The following CCDC141 variants were observed in gnomAD, a reference collection of about 807,000 sequenced individuals.
CCDC141 encodes the protein coiled-coil domain-containing protein 141.
CCDC141 carries 168 observed loss-of-function variants against 181.0 expected under a neutral mutation model. The observed-to-expected ratio is 0.93, with a 90% CI of 0.82 to 1.05. CCDC141 has a LOEUF of 1.05. CCDC141 is among the 50% of genes least tolerant of loss of function. The probability of loss-of-function intolerance (pLI) is 0.00; values close to 1 mark genes in which losing one functional copy is unlikely to be tolerated. For missense variants in CCDC141, 1,902 were observed against 1,788.5 expected, an observed-to-expected ratio of 1.06 and a Z score of -1.14; for synonymous variants, 666 against 642.3, an observed-to-expected ratio of 1.04 and a Z score of -0.56.
chr2:179,034,043 C>T (rs1229177579), intron 2 of CCDC141, among the ~76,000 whole-genome samples: 2 of 152,096 alleles, frequency 1.3e-5, no homozygotes, highest in Non-Finnish European at 2.9e-5. Flanking sequence ...ACTAAAAACA[C>T]ATATGTTCAT....
downstream of CCDC141, among the ~76,000 whole-genome samples, chr2:178,825,113 T>G (rs533161037): frequency 2.0e-5 from 3 of 152,340 alleles, no homozygotes; most frequent in South Asian, 6.2e-4. Flanking sequence ...TTGAAAAGTT[T>G]CCAGTTAACT....
rs375197564 is a variant in CCDC141, at chr2:178,872,120, T to C, written c.2079+13A>G. On this transcript the variant is annotated intron_variant, in intron 13 of 23. Transcript: ENST00000443758. ...TTTCATTCCTTTTCACATCCCATTG[T>C]TCCTTGCCTCACCTTTTTAAGTTGC... The C allele has an allele frequency of 5.0e-6, 8 of 1,612,466 alleles. No individual in the cohort carries two copies. Among genetic ancestry groups the C allele is most frequent in the Non-Finnish European group, 6.8e-6 (8 of 1,179,346 alleles).
intron 2 of CCDC141, among the ~76,000 whole-genome samples, chr2:178,986,388 T>C (rs1232993341): frequency 6.6e-6 from 1 of 152,150 alleles, no homozygotes; most frequent in Non-Finnish European, 1.5e-5. Context: ...CTGAAAGCAT[T>C]CCCTTTGAAA....
At chr2:178,949,466 G>T (rs1559001025) in intron 5 of CCDC141, among the ~76,000 whole-genome samples, 1 of 152,198 alleles carries the variant, frequency 6.6e-6, no homozygotes, top group Non-Finnish European at 1.5e-5. Flanking sequence ...AGAAATGCCA[G>T]TGTCAGAATT....
chr2:179,040,636 T>C (rs2043271531), intron 2 of CCDC141, among the ~76,000 whole-genome samples: 1 of 152,162 alleles, frequency 6.6e-6, no homozygotes, highest in Non-Finnish European at 1.5e-5. Context: ...CACATGGTAT[T>C]TGGTTTTCTG....
At chr2:178,853,792 A>G (rs1235771530) in intron 19 of CCDC141, among the ~76,000 whole-genome samples, 168 bp from the exon 20 acceptor site, 2 of 152,264 alleles carry the variant, frequency 1.3e-5, no homozygotes, top group Non-Finnish European at 2.9e-5. Flanking sequence ...CGTATTCTAC[A>G]GCACTTAAAT....
chr2:178,842,217 C>T (rs1369284408), intron 22 of CCDC141, among the ~76,000 whole-genome samples: 1 of 152,146 alleles, frequency 6.6e-6, no homozygotes, highest in Non-Finnish European at 1.5e-5. Context: ...AAACATAGCT[C>T]AACTCTCAAT....
chr2:178,869,056 T>C, intron 15 of CCDC141, 61 bp downstream of exon 15: 2 of 1,236,434 alleles, frequency 1.6e-6, no homozygotes, highest in Non-Finnish European at 2.2e-6. Context: ...TATATAATAA[T>C]TCATTTTTAA....
intron 2 of CCDC141, among the ~76,000 whole-genome samples, chr2:179,015,088 A>AT (rs2042404480): frequency 2.4e-5 from 1 of 41,914 alleles, no homozygotes; most frequent in African/African-American, 7.6e-5. Context: ...ATATATATAT[A>AT]TATATATATA....
intron 5 of CCDC141, among the ~76,000 whole-genome samples, chr2:178,952,702 G>A (rs1314438220): frequency 3.3e-5 from 5 of 151,788 alleles, no homozygotes; most frequent in Admixed American, 2.6e-4. Flanking sequence ...TCTAGAGATA[G>A]CCTATATACC....
At chr2:178,824,617 C>CAAAAAA in the CCDC141 span, among the ~76,000 whole-genome samples, 6 of 52,290 alleles carry the variant, frequency 1.1e-4, no homozygotes, top group African/African-American at 2.7e-4. Context: ...GAGACTTCGT[C>CAAAAAA]AAAAAAAAAA....
the CCDC141 span, among the ~76,000 whole-genome samples, chr2:178,823,901 GT>G: frequency 6.6e-6 from 1 of 152,080 alleles, no homozygotes; most frequent in African/African-American, 2.4e-5. Flanking sequence ...TGATACCACT[GT>G]TAAAATGAGA....
chr2:178,905,210 A>T (rs1455661645), intron 8 of CCDC141, 119 bp downstream of exon 8: 1 of 907,158 alleles, frequency 1.1e-6, no homozygotes, highest in Non-Finnish European at 1.6e-6. Flanking sequence ...CTTTTAAGCC[A>T]TATCATAATG....
intron 2 of CCDC141, among the ~76,000 whole-genome samples, chr2:179,024,509 G>C (rs1365775807): frequency 6.6e-6 from 1 of 152,168 alleles, no homozygotes; most frequent in East Asian, 1.9e-4. Context: ...AGATGAAAAT[G>C]AAACACTCAT....
At chr2:179,041,437 T>C (rs2043299563) in intron 2 of CCDC141, among the ~76,000 whole-genome samples, 1 of 151,892 alleles carries the variant, frequency 6.6e-6, no homozygotes, top group Non-Finnish European at 1.5e-5. Context: ...ATGTCTTCTT[T>C]TGAGAAGTGT....
In CCDC141 at chr2:178,865,915, T is replaced by C; in HGVS notation, c.2576A>G (p.His859Arg). The C allele has an allele frequency of 6.5e-7, 1 of 1,535,336 alleles. No individual in the cohort carries two copies. The highest frequency in any genetic ancestry group is 8.8e-7 in the Non-Finnish European group (1 of 1,140,650). ...VDIISSVQRPHCSNVSAKNLQ... is the reference protein window; with the variant it reads ...VDIISSVQRPRCSNVSAKNLQ... Reference sequence around the variant, plus strand: ...GTTCTTTGCAGAAACATTAGAGCAGTGCTAAAAGAGACAAATGGTGGTAAC... The same window carrying C: ...GTTCTTTGCAGAAACATTAGAGCAGCGCTAAAAGAGACAAATGGTGGTAAC... Residue 859 changes from histidine (H) to arginine (R), a missense_variant and splice_region_variant, in exon 17 of 24, where the codon CAC becomes CGC. Physicochemically the swap from His to Arg is conservative, Grantham distance 29 (BLOSUM62 0). Coordinates refer to ENST00000443758, the MANE Select transcript of CCDC141 (RefSeq NM_173648.4).
intron 2 of CCDC141, among the ~76,000 whole-genome samples, chr2:178,993,338 C>G (rs940365663): frequency 3.9e-5 from 6 of 152,128 alleles, no homozygotes; most frequent in African/African-American, 1.4e-4. Flanking sequence ...ACTGGGGAAG[C>G]CTCACAATCA....
In CCDC141 at chr2:179,040,736, C is replaced by A. The variant is rs191362798; in HGVS notation, c.225+6548G>T. Among the ~76,000 whole-genome samples, 731 of 152,306 alleles carry A rather than the reference C, an allele frequency of 4.8e-3. 10 individuals are homozygous for A. Among genetic ancestry groups the A allele is most frequent in the African/African-American group, 0.017 (692 of 41,574 alleles). On this transcript the variant is annotated intron_variant, in intron 2 of 23. Transcript: ENST00000443758. ...ATCTCATTCCTGTTTATGGCTACAT[C>A]ATATTCCATGTTATATATGTACCAC...
intron 2 of CCDC141, among the ~76,000 whole-genome samples, chr2:179,015,392 A>ATCATATATCTCTCATATATGTG (rs1559049544): frequency 0.012 from 1,713 of 137,284 alleles, 73 homozygotes; most frequent in African/African-American, 0.045. Context: ...TCATATATGT[A>ATCATATATCTCTCATATATGTG]TCATATATCT....
Sources: allele counts gnomAD v4.1 joint callset (sites outside exome capture counted in the v4.1 genomes callset), GRCh38; gene constraint gnomAD v4.1.1; transcripts MANE v1.5; gene names NCBI Gene and HGNC (gene_info 2026-07-23, HGNC 2026-07-21).